The following TOX3 variants were observed in gnomAD, a reference collection of about 807,000 sequenced individuals.
The protein encoded by TOX3 is CAG trinucleotide repeat-containing gene F9 protein.
In TOX3, 22 loss-of-function variants were observed where a neutral mutation model predicts 64.3. The observed-to-expected ratio is 0.34, with a 90% confidence interval of 0.24 to 0.49. TOX3 has a LOEUF of 0.49. TOX3 is among the 20% of genes least tolerant of loss of function. The pLI is 0.99. For missense variants in TOX3, 661 were observed against 714.4 expected (o/e 0.93, Z 0.85); for synonymous variants, 291 against 273.6 (o/e 1.06, Z -0.63).
At chr16:52,450,997 C>T (rs1248025202) in intron 3 of TOX3, among the ~76,000 whole-genome samples, 1 of 152,196 alleles carries the variant, frequency 6.6e-6, no homozygotes, top group African/African-American at 2.4e-5. Flanking sequence ...CCATCCTTCT[C>T]AAACATGTAG....
intron 3 of TOX3, among the ~76,000 whole-genome samples, chr16:52,456,049 A>G (rs1306901323): frequency 1.3e-5 from 2 of 152,232 alleles, no homozygotes; most frequent in Admixed American, 1.3e-4. Context: ...ATGACAGTCC[A>G]GTGTGACTGG....
At chr16:52,516,174 G>A (rs985824072) in intron 1 of TOX3, among the ~76,000 whole-genome samples, 3 of 152,064 alleles carry the variant, frequency 2.0e-5, no homozygotes, top group Non-Finnish European at 2.9e-5. Context: ...TAATACCTAA[G>A]AAAATCAATC....
At chr16:52,485,267 T>TATATATATATATATAC (rs1163640369) in intron 1 of TOX3, among the ~76,000 whole-genome samples, 78 of 137,848 alleles carry the variant, frequency 5.7e-4, no homozygotes, top group African/African-American at 1.9e-3. Flanking sequence ...TATATATATA[T>TATATATATATATATAC]ATATACATAT....
chr16:52,510,893 C>T (rs937229606), intron 1 of TOX3, among the ~76,000 whole-genome samples: 5 of 151,686 alleles, frequency 3.3e-5, no homozygotes, highest in African/African-American at 1.2e-4. Flanking sequence ...AGCTTGATAT[C>T]ATGCAGAGCA....
At chr16:52,492,667 G>C (rs1596823437) in intron 1 of TOX3, among the ~76,000 whole-genome samples, 1 of 144,808 alleles carries the variant, frequency 6.9e-6, no homozygotes, top group Non-Finnish European at 1.5e-5. Context: ...TGAGACCTAA[G>C]ACAGATGGCC....
Position 52,513,593 on chromosome 16 carries a change from G to C in TOX3, c.87+33044C>G, listed in dbSNP as rs1453544001. Among the ~76,000 whole-genome samples the C allele has an allele frequency of 3.3e-5, 5 of 152,194 alleles. No individual in the cohort carries two copies. In the East Asian group the frequency reaches 9.6e-4, roughly 29 times the overall value. On this transcript the variant is annotated intron_variant, in intron 1 of 6. Coordinates refer to ENST00000219746, the MANE Select transcript of TOX3 (RefSeq NM_001080430.4). ...ATAAGGGCTGAGTAAATGTTAGTTT[G>C]CTTTCCAAAGTAAAAGTGACCTGAT... is the stretch of plus-strand genomic sequence containing the variant.
intron 1 of TOX3, among the ~76,000 whole-genome samples, chr16:52,469,000 G>T (rs1347539774): frequency 6.6e-6 from 1 of 152,112 alleles, no homozygotes; most frequent in African/African-American, 2.4e-5. Flanking sequence ...GTTAAAATAT[G>T]AATTAAAGGG....
In TOX3 at chr16:52,464,026, A is replaced by G. The variant is rs1960778413; in HGVS notation, c.316T>C (p.Phe106Leu). The change falls in exon 3 of 7, where the codon TTT becomes CTT. Residue 106 changes from phenylalanine to leucine, a missense_variant. This residue lies in a region of TOX3 where 259 missense variants were observed against 261.2 expected (regional missense o/e 0.99). Transcript: ENST00000219746. ...PSQGSEFTPQFPPQSLDLPSI... is the reference protein window; with the variant it reads ...PSQGSEFTPQLPPQSLDLPSI... ...GGGAGGTCCAGGCTTTGAGGGGGAA[A>G]CTGGGGTGTGAATTCACTTCCCTGG... 2.5e-6 allele frequency: 4 copies of G among 1,601,732 alleles called. No homozygotes were observed.
At chr16:52,510,184 G>A (rs1000474754) in intron 1 of TOX3, among the ~76,000 whole-genome samples, 1 of 149,644 alleles carries the variant, frequency 6.7e-6, no homozygotes, top group Non-Finnish European at 1.5e-5. Context: ...CAAGATAAAA[G>A]GCAAGGTGTT....
At chr16:52,480,917 T>C (rs1352211681) in intron 1 of TOX3, among the ~76,000 whole-genome samples, 1 of 148,918 alleles carries the variant, frequency 6.7e-6, no homozygotes, top group African/African-American at 2.4e-5. Context: ...CCTTTGATAA[T>C]GTCTGAAGAG....
At chr16:52,457,572 A>G (rs1053793033) in intron 3 of TOX3, among the ~76,000 whole-genome samples, 1 of 152,256 alleles carries the variant, frequency 6.6e-6, no homozygotes, top group African/African-American at 2.4e-5. Flanking sequence ...AACAATTATC[A>G]GCAATAAAAA....
chr16:52,489,493 T>C (rs1225378985), intron 1 of TOX3, among the ~76,000 whole-genome samples: 1 of 152,136 alleles, frequency 6.6e-6, no homozygotes, highest in Admixed American at 6.5e-5. Context: ...TCCTCTGACA[T>C]TTTCAGCTAT....
chr16:52,445,880 G>T, intron 5 of TOX3, 114 bp downstream of exon 5: 1 of 968,458 alleles, frequency 1.0e-6, no homozygotes, highest in South Asian at 1.8e-5. Context: ...CTTAGAAAAG[G>T]ATTTCAAAAG....
chr16:52,525,246 T>G (rs1177345797), intron 1 of TOX3, among the ~76,000 whole-genome samples: 2 of 152,106 alleles, frequency 1.3e-5, no homozygotes, highest in East Asian at 3.9e-4. Flanking sequence ...AAAGATCCAT[T>G]TAATTAAGTT....
chr16:52,439,137 A>G lies in TOX3; in HGVS notation c.*88T>C, dbSNP rs1249173298. 12 of 1,578,974 alleles carry G rather than the reference A, an allele frequency of 7.6e-6. No homozygotes were observed. ...TCTGTTACACATTTCTGCATAACCA[A>G]CACCAACTTACAGGTTTCAGCCACA... On this transcript the variant is annotated 3_prime_UTR_variant, in exon 7 of 7. Coordinates refer to ENST00000219746, the MANE Select transcript of TOX3 (RefSeq NM_001080430.4).
At chr16:52,479,340 C>G (rs1476074911) in intron 1 of TOX3, among the ~76,000 whole-genome samples, 1 of 152,186 alleles carries the variant, frequency 6.6e-6, no homozygotes, top group African/African-American at 2.4e-5. Flanking sequence ...TAGGAGCCTG[C>G]AAGTATACAC....
rs1213312081 is a variant in TOX3, at chr16:52,473,780, A to G, written c.88-5206T>C. On this transcript the variant is annotated intron_variant, in intron 1 of 6. Coordinates refer to ENST00000219746, the MANE Select transcript of TOX3 (RefSeq NM_001080430.4). ...TTTGTGACTAAAGACCATCTACACC[A>G]AAGGTTGGAGGTTCAACAATACTTT... 2.0e-5 allele frequency among the ~76,000 whole-genome samples: 3 copies of G among 152,228 alleles called. No homozygotes were observed. In the South Asian group the frequency reaches 6.2e-4, roughly 32 times the overall value.
At chr16:52,537,328 A>G (rs895645265) in intron 1 of TOX3, among the ~76,000 whole-genome samples, 3 of 152,178 alleles carry the variant, frequency 2.0e-5, no homozygotes, top group Non-Finnish European at 2.9e-5. Context: ...AGAAAATCTC[A>G]TATCCATAGA....
At chr16:52,480,128 AG>A (rs1310149656) in intron 1 of TOX3, among the ~76,000 whole-genome samples, 1 of 152,186 alleles carries the variant, frequency 6.6e-6, no homozygotes, top group Non-Finnish European at 1.5e-5. Context: ...GGCACACGAT[AG>A]GTTCTCAATT....
Sources: gnomAD v4.1 joint callset for allele counts (sites outside exome capture counted in the v4.1 genomes callset) on GRCh38, gnomAD v4.1.1 for gene constraint, gnomAD v4.1.1 regional missense constraint, MANE v1.5 for transcripts, NCBI Gene and HGNC (gene_info 2026-07-23, HGNC 2026-07-21) for gene names.